Variants in PPP1R12C observed in about 807,000 individuals in gnomAD.
PPP1R12C encodes the protein protein phosphatase 1 regulatory subunit 12C.
Under a neutral mutation model 95.6 loss-of-function variants are expected in PPP1R12C, and 48 were observed. The ratio of observed to expected loss-of-function variants is 0.50; its 90% CI spans 0.40 to 0.64. PPP1R12C has a LOEUF of 0.64. Among genes scored for constraint, PPP1R12C ranks in the 30% least tolerant of loss-of-function variants. The probability of loss-of-function intolerance (pLI) is 0.00; values close to 1 mark genes in which losing one functional copy is unlikely to be tolerated. For synonymous variants in PPP1R12C, 480 were observed against 460.8 expected (o/e 1.04, Z -0.53); for missense variants, 1,057 against 1,083.3 (o/e 0.98, Z 0.34).
intron 7 of PPP1R12C, 36 bp from the exon 8 acceptor site, chr19:55,096,214 C>T (rs2084910849): frequency 3.1e-6 from 5 of 1,613,236 alleles, no homozygotes; most frequent in Non-Finnish European, 4.2e-6. Flanking sequence ...GGTACAAGCC[C>T]GGGGCCTCCA....
At chr19:55,107,275 A>G (rs553194806) in intron 3 of PPP1R12C, among the ~76,000 whole-genome samples, 118 of 152,250 alleles carry the variant, frequency 7.8e-4, no homozygotes, top group African/African-American at 2.6e-3. Flanking sequence ...TTAGCTGGGC[A>G]TGGTGGCGGG....
Position 55,093,224 on chromosome 19 carries a change from G to A in PPP1R12C, c.1693C>T (p.Leu565Phe), listed in dbSNP as rs1391140725. ...TTCTCTGCCTCCTTCAGGTCTGTAA[G>A]AGTCACACCCTGGCAGGGAAAGGGG... The part of the protein sequence containing the change: ...QSRRSTQGVT[L>F]TDLKEAEKAA... Residue 565 changes from leucine to phenylalanine, a missense_variant, in exon 14 of 22, where the codon CTT becomes TTT. Leu to Phe is a conservative substitution (Grantham distance 22, BLOSUM62 0). Around this residue, in one of 5 missense-constraint regions of PPP1R12C, gnomAD observed 347 missense variants for 307.9 expected, o/e 1.13. Transcript: ENST00000263433. 2 of 1,613,128 alleles carry A rather than the reference G, an allele frequency of 1.2e-6. No homozygotes were observed. Among genetic ancestry groups the A allele is most frequent in the East Asian group, 2.2e-5 (1 of 44,842 alleles).
At chr19:55,091,748 CA>C in intron 20 of PPP1R12C, 48 bp from the exon 21 acceptor site, 1 of 1,613,074 alleles carries the variant, frequency 6.2e-7, no homozygotes, top group Non-Finnish European at 8.5e-7. Context: ...CTGAGGAGGG[CA>C]GGGGAAGGCC....
rs1206228600 is a variant in PPP1R12C at position 55,099,039 on chromosome 19, G to T, written c.788C>A (p.Pro263His). The T allele has an allele frequency of 6.4e-7, 1 of 1,554,442 alleles. No individual in the cohort carries two copies. The highest frequency in any genetic ancestry group is 2.0e-5 in the Admixed American group (1 of 51,232). Residue 263 changes from proline to histidine, a missense_variant, in exon 5 of 22, where the codon CCC becomes CAC. Pro to His is a moderately conservative substitution (Grantham distance 77). Around this residue, in one of 5 missense-constraint regions of PPP1R12C, gnomAD observed 282 missense variants for 380.4 expected, o/e 0.74. Coordinates refer to ENST00000263433, the MANE Select transcript of PPP1R12C (RefSeq NM_017607.4). Reference sequence around the variant, plus strand: ...GCCCCAGTGTGCCGCTGCGTGCAGGGGAGTCCAGCCGTCCCCGTCCCGGAG... The same window carrying T: ...GCCCCAGTGTGCCGCTGCGTGCAGGTGAGTCCAGCCGTCCCCGTCCCGGAG... Reference protein sequence around the residue: ...PELRDGDGWTPLHAAAHWGVE... With the variant: ...PELRDGDGWTHLHAAAHWGVE...
At chr19:55,094,829 AC>A (rs1450813511) in intron 11 of PPP1R12C, 31 bp from the exon 12 acceptor site, 1 of 1,564,772 alleles carries the variant, frequency 6.4e-7, no homozygotes. Flanking sequence ...CACAAACATT[AC>A]CCAGGTGCAT....
intron 3 of PPP1R12C, among the ~76,000 whole-genome samples, chr19:55,105,939 C>CT (rs755545434): frequency 6.7e-6 from 1 of 149,414 alleles, no homozygotes; most frequent in Admixed American, 6.7e-5. Flanking sequence ...GAGATCCTGT[C>CT]TTAAAAAAAA....
intron 3 of PPP1R12C, 165 bp downstream of exon 3, chr19:55,112,302 G>A: frequency 1.6e-6 from 1 of 626,758 alleles, no homozygotes; most frequent in Non-Finnish European, 2.7e-6. Flanking sequence ...CCTGGAGGCA[G>A]GCCCCTACAC....
chr19:55,095,985 C>T (rs2084907367), intron 8 of PPP1R12C, 45 bp from the exon 9 acceptor site: 2 of 1,608,628 alleles, frequency 1.2e-6, no homozygotes, highest in Admixed American at 1.7e-5. Context: ...ATGCCAGTTG[C>T]CTCTAGATTC....
rs1329379044 is a variant in PPP1R12C, at chr19:55,094,653, C to G, written c.1592+8G>C. 1.3e-6 allele frequency: 2 copies of G among 1,579,952 alleles called. No homozygotes were observed. Among genetic ancestry groups the G allele is most frequent in the South Asian group, 2.3e-5 (2 of 86,146 alleles). Reference sequence around the variant, plus strand: ...GGGGGCGGCAGCTTCCTGCCCTGGCCTCTTCACCTCCGTCGGTCCCGGGAG... The same window carrying G: ...GGGGGCGGCAGCTTCCTGCCCTGGCGTCTTCACCTCCGTCGGTCCCGGGAG... On this transcript the variant is annotated splice_region_variant and intron_variant, in intron 12 of 21. Transcript: ENST00000263433.
chr19:55,096,001 A>AT (rs769723271), intron 8 of PPP1R12C, 50 bp downstream of exon 8: 19 of 1,607,052 alleles, frequency 1.2e-5, no homozygotes, highest in East Asian at 1.1e-4. Context: ...GATTCAGAGA[A>AT]CCCGACCCCT....
rs1321152542 is a variant in PPP1R12C at position 55,092,952 on chromosome 19, CAAG to C, written c.1825+61_1825+63del. 1.7e-5 allele frequency: 26 copies of C among 1,575,356 alleles called. No individual in the cohort carries two copies. The East Asian group carries it at 5.2e-4, about 31-fold the overall frequency. On this transcript the variant is annotated intron_variant, in intron 15 of 21. Coordinates refer to ENST00000263433, the MANE Select transcript of PPP1R12C (RefSeq NM_017607.4). ...TCCCCGGGTCAAGCCCCCAGGAAAG[CAAG>C]AAGACTATGGGAGAAACTGGATGAT...
chr19:55,096,072 C>A lies in PPP1R12C; in HGVS notation c.1132G>T (p.Glu378Ter). 1 of 1,609,394 alleles carries A rather than the reference C, an allele frequency of 6.2e-7. No homozygotes were observed. ...TCACCGGTGGGACCTTCTTCCCCCTCATCCTCGTCCTGGATGGGGGGCCCC... is the reference window on the plus strand; with the variant it reads ...TCACCGGTGGGACCTTCTTCCCCCTAATCCTCGTCCTGGATGGGGGGCCCC... The part of the protein sequence containing the change: ...AGGPPIQDED[E>*]GEEGPTEPPP... Residue 378 changes from glutamate (E) to a stop codon, truncating the protein, a stop_gained, in exon 8 of 22, where the codon GAG (glutamate) becomes TAG (stop). Transcript: ENST00000263433. LOFTEE classifies it high-confidence loss of function.
chr19:55,091,664 C>G lies in PPP1R12C; in HGVS notation c.2248G>C (p.Glu750Gln). The change falls in exon 21 of 22, where the codon GAG becomes CAG. Residue 750 changes from glutamate to glutamine, a missense_variant. Glu to Gln is a conservative substitution (Grantham distance 29). Transcript: ENST00000263433. ...RALERKAAEL[E>Q]EELKALSDLR... Reference sequence around the variant, plus strand: ...ACAGCCCCCACCTTCAGCTCCTCCTCCAGCTCTGCGGCCTTGCGTTCCAGG... The same window carrying G: ...ACAGCCCCCACCTTCAGCTCCTCCTGCAGCTCTGCGGCCTTGCGTTCCAGG... 6.2e-7 allele frequency: 1 copy of G among 1,612,580 alleles called. No homozygotes were observed. The highest frequency in any genetic ancestry group is 8.5e-7 in the Non-Finnish European group (1 of 1,179,518).
At chr19:55,115,947 G>T (rs1216647476) in intron 1 of PPP1R12C, among the ~76,000 whole-genome samples, 2 of 152,164 alleles carry the variant, frequency 1.3e-5, no homozygotes, top group Non-Finnish European at 2.9e-5. Context: ...TGAGCTCTCG[G>T]ACCCCTGGAA....
chr19:55,112,911 G>A lies in PPP1R12C; in HGVS notation c.322-116C>T, dbSNP rs962722608. ...CAGGGACACGGTGCTAGGACAGTGG[G>A]GAAAATGACCCAACAGCCTCTGGCC... is the stretch of plus-strand genomic sequence containing the variant. On this transcript the variant is annotated intron_variant, in intron 1 of 21. Transcript: ENST00000263433. 1.5e-5 allele frequency: 22 copies of A among 1,422,976 alleles called. No homozygotes were observed. In the African/African-American group the frequency reaches 2.4e-4, roughly 16 times the overall value. 88.1% of individuals were successfully genotyped at this position (1,422,976 alleles called of 1,614,324 possible). A position where few individuals can be genotyped will look rare whatever the true frequency, so the allele number is the denominator to read the frequency against.
chr19:55,094,805 C>A lies in PPP1R12C; in HGVS notation c.1455-7G>T. ...AGGCTTGGTGACCTCAGACCTGCAT[C>A]AATTCATTCATTCCACAAACATTAC... is the stretch of plus-strand genomic sequence containing the variant. On this transcript the variant is annotated splice_region_variant and splice_polypyrimidine_tract_variant and intron_variant, in intron 11 of 21. Coordinates refer to ENST00000263433, the MANE Select transcript of PPP1R12C (RefSeq NM_017607.4). 6.3e-7 allele frequency: 1 copy of A among 1,585,068 alleles called. No individual in the cohort carries two copies.
chr19:55,100,254 A>G (rs2084966309), intron 4 of PPP1R12C, among the ~76,000 whole-genome samples: 1 of 152,212 alleles, frequency 6.6e-6, no homozygotes, highest in Admixed American at 6.5e-5. Context: ...TTATATCTTA[A>G]GCCAGCAGTT....
intron 1 of PPP1R12C, among the ~76,000 whole-genome samples, chr19:55,116,390 G>A (rs1603013428): frequency 6.6e-6 from 1 of 152,074 alleles, no homozygotes; most frequent in Non-Finnish European, 1.5e-5. Flanking sequence ...GAAGTGCTCC[G>A]GAAAGAGCAT....
chr19:55,105,971 C>G (rs1227643883), intron 3 of PPP1R12C, among the ~76,000 whole-genome samples: 2 of 151,958 alleles, frequency 1.3e-5, no homozygotes, highest in African/African-American at 4.8e-5. Flanking sequence ...CTTCTCAGAC[C>G]TCCCTCTCCG....
Sources: allele counts gnomAD v4.1 joint callset (sites outside exome capture counted in the v4.1 genomes callset), GRCh38; gene constraint gnomAD v4.1.1; regional missense constraint gnomAD v4.1.1; transcripts MANE v1.5; gene names NCBI Gene and HGNC (gene_info 2026-07-23, HGNC 2026-07-21).